The following CADM1 variants were observed in gnomAD, a reference collection of about 807,000 sequenced individuals.
The protein encoded by CADM1 is TSLC-1.
In CADM1, 15 loss-of-function variants were observed where a neutral mutation model predicts 53.1. That is an observed-to-expected ratio of 0.28 (90% CI 0.19 to 0.44). The LOEUF is 0.44. Among genes scored for constraint, CADM1 ranks in the 20% least tolerant of loss-of-function variants. The probability of loss-of-function intolerance (pLI) is 1.00; values close to 1 mark genes in which losing one functional copy is unlikely to be tolerated. For missense variants in CADM1, 434 were observed against 611.3 expected (o/e 0.71, Z 3.06); for synonymous variants, 281 against 243.0 (o/e 1.16, Z -1.45).
At chr11:115,192,442 T>C (rs1352573541) in intron 9 of CADM1, among the ~76,000 whole-genome samples, 3 of 152,240 alleles carry the variant, frequency 2.0e-5, no homozygotes, top group African/African-American at 4.8e-5. Context: ...TATCCATTTG[T>C]TCTGAAATCT....
chr11:115,295,556 T>C (rs1451692314), intron 1 of CADM1, among the ~76,000 whole-genome samples: 3 of 123,994 alleles, frequency 2.4e-5, no homozygotes, highest in Non-Finnish European at 5.0e-5. Flanking sequence ...ATATAATATA[T>C]ATGTATATGC....
intron 1 of CADM1, among the ~76,000 whole-genome samples, chr11:115,289,493 A>G (rs938311901): frequency 1.3e-5 from 2 of 152,070 alleles, no homozygotes; most frequent in Non-Finnish European, 2.9e-5. Flanking sequence ...TACAATGAAA[A>G]TGTTCTGTAT....
intron 1 of CADM1, among the ~76,000 whole-genome samples, chr11:115,341,154 C>A (rs1455356726): frequency 1.3e-5 from 2 of 152,086 alleles, no homozygotes; most frequent in Non-Finnish European, 1.5e-5. Context: ...ATGGTAAAAT[C>A]TGCATATTCT....
At chr11:115,188,635 G>A (rs1272417903) in intron 10 of CADM1, among the ~76,000 whole-genome samples, 5 of 152,140 alleles carry the variant, frequency 3.3e-5, no homozygotes, top group African/African-American at 1.2e-4. Context: ...AGCAGGGAAT[G>A]GATGATATTA....
At chr11:115,448,061 T>C (rs1231290260) in intron 1 of CADM1, among the ~76,000 whole-genome samples, 1 of 152,152 alleles carries the variant, frequency 6.6e-6, no homozygotes, top group African/African-American at 2.4e-5. Context: ...CCTATTCAAA[T>C]TACTGTGTGG....
rs188595230 is a variant in CADM1 at position 115,348,628 on chromosome 11, T to C, written c.125-108208A>G. Among the ~76,000 whole-genome samples the C allele has an allele frequency of 2.0e-3, 304 of 152,072 alleles. 1 individual carries two copies. The highest frequency in any genetic ancestry group is 3.6e-3 in the Non-Finnish European group (243 of 67,976). The stretch of plus-strand genomic sequence containing the variant: ...ACAGGCAAGAGACTGTGTAGAGGAG[T>C]ATCAAACGCAGCTCTTGTCTGCTAT... On this transcript the variant is annotated intron_variant, in intron 1 of 11. Transcript: ENST00000331581.
chr11:115,431,568 G>A (rs115466734), intron 1 of CADM1, among the ~76,000 whole-genome samples: 1,743 of 152,088 alleles, frequency 0.011, 41 homozygotes, highest in African/African-American at 0.039. Context: ...TTAGAACAAG[G>A]CCCCCAGTCC....
At chr11:115,480,588 G>C (rs1949236062) in intron 1 of CADM1, among the ~76,000 whole-genome samples, 1 of 152,182 alleles carries the variant, frequency 6.6e-6, no homozygotes, top group Non-Finnish European at 1.5e-5. Flanking sequence ...TCTGGGAAGA[G>C]TGACATTTCA....
intron 1 of CADM1, among the ~76,000 whole-genome samples, chr11:115,295,923 C>T (rs964256041): frequency 1.3e-5 from 2 of 152,070 alleles, no homozygotes; most frequent in Admixed American, 1.3e-4. Flanking sequence ...TTAAGGGCTC[C>T]GCCTTTCATA....
intron 1 of CADM1, among the ~76,000 whole-genome samples, chr11:115,322,716 C>T (rs1944855728): frequency 6.6e-6 from 1 of 152,108 alleles, no homozygotes; most frequent in Non-Finnish European, 1.5e-5. Context: ...AAGGCTCATC[C>T]ATGTCATAGA....
At chr11:115,267,678 C>CTT (rs56712105) in intron 1 of CADM1, among the ~76,000 whole-genome samples, 29 of 131,290 alleles carry the variant, frequency 2.2e-4, no homozygotes, top group African/African-American at 6.0e-4. Flanking sequence ...AAATTGCTTT[C>CTT]TTTTTTTTTT....
At chr11:115,365,352 A>C (rs536188837) in intron 1 of CADM1, among the ~76,000 whole-genome samples, 13 of 152,330 alleles carry the variant, frequency 8.5e-5, no homozygotes, top group African/African-American at 3.1e-4. Flanking sequence ...TTAGATAACT[A>C]AGAAGTTTTG....
intron 1 of CADM1, among the ~76,000 whole-genome samples, chr11:115,355,707 AACACAC>A (rs71066418): frequency 2.8e-4 from 43 of 150,922 alleles, no homozygotes; most frequent in South Asian, 1.0e-3. Context: ...TTAAATTACT[AACACAC>A]ACACACACAC....
At chr11:115,307,763 C>A (rs144690646) in intron 1 of CADM1, among the ~76,000 whole-genome samples, 305 of 151,872 alleles carry the variant, frequency 2.0e-3, no homozygotes, top group African/African-American at 6.8e-3. Context: ...ACAATAGTTG[C>A]CTTGAAGGGT....
At chr11:115,439,679 G>A (rs1274265645) in intron 1 of CADM1, among the ~76,000 whole-genome samples, 4 of 152,136 alleles carry the variant, frequency 2.6e-5, no homozygotes, top group Non-Finnish European at 2.9e-5. Context: ...AGTTATCTAC[G>A]GGAAATTGTC....
intron 1 of CADM1, among the ~76,000 whole-genome samples, chr11:115,319,198 C>T (rs1944755770): frequency 6.6e-6 from 1 of 152,112 alleles, no homozygotes; most frequent in African/African-American, 2.4e-5. Context: ...CATTTCCTAC[C>T]TCCCTCACAT....
At chr11:115,426,404 A>G (rs1020041545) in intron 1 of CADM1, among the ~76,000 whole-genome samples, 1 of 152,018 alleles carries the variant, frequency 6.6e-6, no homozygotes, top group African/African-American at 2.4e-5. Context: ...GGGCTGCCCC[A>G]TCTCTTCAGA....
intron 1 of CADM1, among the ~76,000 whole-genome samples, chr11:115,403,866 G>C (rs1262427241): frequency 1.3e-5 from 2 of 151,148 alleles, no homozygotes; most frequent in Admixed American, 6.6e-5. Flanking sequence ...CATAGTGCTG[G>C]GATTACAGAC....
intron 1 of CADM1, among the ~76,000 whole-genome samples, chr11:115,427,024 T>C (rs183908237): frequency 1.4e-4 from 21 of 152,290 alleles, no homozygotes; most frequent in Non-Finnish European, 2.6e-4. Flanking sequence ...AGGAGAACAT[T>C]ACTTGGTTCA....
Sources: allele counts gnomAD v4.1 joint callset (sites outside exome capture counted in the v4.1 genomes callset), GRCh38; gene constraint gnomAD v4.1.1; transcripts MANE v1.5; gene names NCBI Gene and HGNC (gene_info 2026-07-23, HGNC 2026-07-21).